The following KCND3 variants were observed in gnomAD, a reference collection of about 807,000 sequenced individuals.
The protein encoded by KCND3 is A-type voltage-gated potassium channel KCND3.
In KCND3, 9 loss-of-function variants were observed where a neutral mutation model predicts 51.1. That is an observed-to-expected ratio of 0.18 (90% CI 0.11 to 0.31). The LOEUF is 0.31. Ranked by LOEUF, KCND3 falls within the 10% of genes least tolerant of loss-of-function variation. KCND3 has a pLI of 1.00. For missense variants in KCND3, 526 were observed against 903.8 expected, an observed-to-expected ratio of 0.58 and a Z score of 5.36; for synonymous variants, 349 against 368.0, an observed-to-expected ratio of 0.95 and a Z score of 0.59.
intron 2 of KCND3, among the ~76,000 whole-genome samples, chr1:111,947,909 C>A (rs888569924): frequency 6.6e-6 from 1 of 152,128 alleles, no homozygotes; most frequent in Non-Finnish European, 1.5e-5. Context: ...GTCTTGGGTA[C>A]GATGACACTT....
chr1:111,878,361 C>A (rs1002396565), intron 2 of KCND3, among the ~76,000 whole-genome samples: 1 of 152,226 alleles, frequency 6.6e-6, no homozygotes, highest in African/African-American at 2.4e-5. Flanking sequence ...ACGAGCTCAG[C>A]TGCTGAGTAC....
At chr1:111,810,778 A>C (rs1465998014) in intron 2 of KCND3, among the ~76,000 whole-genome samples, 1 of 152,244 alleles carries the variant, frequency 6.6e-6, no homozygotes, top group Admixed American at 6.5e-5. Flanking sequence ...GCATAAAATA[A>C]GTGCAAAACT....
intron 2 of KCND3, among the ~76,000 whole-genome samples, chr1:111,913,784 G>A (rs1271394117): frequency 2.0e-5 from 3 of 152,046 alleles, no homozygotes; most frequent in Non-Finnish European, 2.9e-5. Flanking sequence ...TGATCCGAGC[G>A]ACTCAGGAGG....
intron 2 of KCND3, among the ~76,000 whole-genome samples, chr1:111,977,676 C>T (rs534584582): frequency 2.6e-5 from 4 of 152,280 alleles, no homozygotes; most frequent in East Asian, 3.9e-4. Context: ...TGCGGATGCT[C>T]GCTTGCAAGG....
intron 2 of KCND3, among the ~76,000 whole-genome samples, chr1:111,849,787 A>G (rs550684688): frequency 6.6e-6 from 1 of 152,210 alleles, no homozygotes; most frequent in Admixed American, 6.5e-5. Flanking sequence ...GTTCTCCTGA[A>G]AACTCCGTGG....
At chr1:111,910,908 T>C (rs1344313553) in intron 2 of KCND3, 1 of 152,354 alleles carries the variant, frequency 6.6e-6, no homozygotes, top group Middle Eastern at 3.4e-3. Context: ...TAAATAAATA[T>C]GCAAAATTAT....
chr1:111,863,332 T>A (rs1557985215), intron 2 of KCND3, among the ~76,000 whole-genome samples: 6 of 147,852 alleles, frequency 4.1e-5, no homozygotes, highest in African/African-American at 2.5e-5. Context: ...TAGGAAACAG[T>A]AAAAAAAAAA....
At chr1:111,866,108 T>A (rs1301671505) in intron 2 of KCND3, among the ~76,000 whole-genome samples, 1 of 152,118 alleles carries the variant, frequency 6.6e-6, no homozygotes, top group Non-Finnish European at 1.5e-5. Context: ...AGTTCTAATT[T>A]TTTTAGTAGA....
At chr1:111,928,655 G>T (rs950446126) in intron 2 of KCND3, among the ~76,000 whole-genome samples, 3 of 152,232 alleles carry the variant, frequency 2.0e-5, no homozygotes, top group African/African-American at 7.2e-5. Flanking sequence ...AGTGGCAGGG[G>T]CAGCCAGGAA....
intron 2 of KCND3, among the ~76,000 whole-genome samples, chr1:111,859,062 C>A (rs899224793): frequency 1.3e-5 from 2 of 152,200 alleles, no homozygotes; most frequent in Non-Finnish European, 2.9e-5. Flanking sequence ...CTCCACACAG[C>A]AGCCAGAGTG....
At chr1:111,977,476 G>T (rs1201903221) in intron 2 of KCND3, among the ~76,000 whole-genome samples, 3 of 152,118 alleles carry the variant, frequency 2.0e-5, no homozygotes, top group African/African-American at 7.2e-5. Context: ...GTGATTTTTG[G>T]ACACTGTCAA....
intron 2 of KCND3, among the ~76,000 whole-genome samples, chr1:111,884,210 C>A (rs987636277): frequency 2.0e-5 from 3 of 152,274 alleles, no homozygotes; most frequent in Admixed American, 2.0e-4. Context: ...CTGTGAACAC[C>A]AACAACTCCT....
chr1:111,897,584 C>T (rs944467896), intron 2 of KCND3, among the ~76,000 whole-genome samples: 3 of 152,188 alleles, frequency 2.0e-5, no homozygotes, highest in Non-Finnish European at 2.9e-5. Context: ...GGGTTTCTGC[C>T]TATGTGGGGC....
intron 2 of KCND3, among the ~76,000 whole-genome samples, chr1:111,881,186 T>TC (rs1669290710): frequency 6.6e-6 from 1 of 152,230 alleles, no homozygotes; most frequent in South Asian, 2.1e-4. Context: ...CACTCCTGTC[T>TC]CCCGTTCCTA....
At chr1:111,849,735 C>T (rs902241987) in intron 2 of KCND3, among the ~76,000 whole-genome samples, 33 of 152,276 alleles carry the variant, frequency 2.2e-4, no homozygotes, top group African/African-American at 6.0e-4. Flanking sequence ...TGCCATTTAG[C>T]TTGTCCAGGC....
At chr1:111,836,559 T>G (rs1312136839) in intron 2 of KCND3, among the ~76,000 whole-genome samples, 1 of 152,138 alleles carries the variant, frequency 6.6e-6, no homozygotes, top group Non-Finnish European at 1.5e-5. Flanking sequence ...CCTGTGAGGG[T>G]GGGCTTTTTC....
intron 2 of KCND3, among the ~76,000 whole-genome samples, chr1:111,908,830 G>A (rs1441083730): frequency 6.6e-6 from 1 of 151,428 alleles, no homozygotes; most frequent in African/African-American, 2.4e-5. Flanking sequence ...GGAGACGTGT[G>A]TGAAAGGGAG....
intron 2 of KCND3, among the ~76,000 whole-genome samples, chr1:111,939,386 C>A (rs1025717630): frequency 6.6e-6 from 1 of 152,102 alleles, no homozygotes; most frequent in South Asian, 2.1e-4. Context: ...TGTAGTTCCC[C>A]ACCCCCCAAC....
intron 2 of KCND3, among the ~76,000 whole-genome samples, chr1:111,796,543 T>C (rs1234340632): frequency 6.6e-6 from 1 of 152,302 alleles, no homozygotes; most frequent in African/African-American, 2.4e-5. Flanking sequence ...AACCAAATAC[T>C]GCCTGTTCTC....
Sources: gnomAD v4.1 joint callset for allele counts (sites outside exome capture counted in the v4.1 genomes callset) on GRCh38, gnomAD v4.1.1 for gene constraint, MANE v1.5 for transcripts, NCBI Gene and HGNC (gene_info 2026-07-23, HGNC 2026-07-21) for gene names.